Variants in THSD7B observed in about 807,000 individuals in gnomAD.
The protein encoded by THSD7B is thrombospondin type-1 domain-containing protein 7B.
A neutral mutation model predicts 213.6 loss-of-function variants in THSD7B; 138 were observed. The ratio of observed to expected loss-of-function variants is 0.65; its 90% CI spans 0.56 to 0.74. THSD7B has a LOEUF of 0.74. THSD7B is among the 30% of genes least tolerant of loss of function. THSD7B has a pLI of 0.00. For synonymous variants in THSD7B, 742 were observed against 687.0 expected, an observed-to-expected ratio of 1.08 and a Z score of -1.25; for missense variants, 1,931 against 1,991.5, an observed-to-expected ratio of 0.97 and a Z score of 0.58.
intron 12 of THSD7B, among the ~76,000 whole-genome samples, chr2:137,375,610 A>G (rs1253631108): frequency 6.6e-6 from 1 of 152,220 alleles, no homozygotes; most frequent in Non-Finnish European, 1.5e-5. Flanking sequence ...AAGGACTACA[A>G]AATGATCCTC....
In THSD7B at chr2:137,450,888, C is replaced by T; in HGVS notation, c.3003C>T (p.Cys1001=). 2 of 1,611,174 alleles carry T rather than the reference C, an allele frequency of 1.2e-6. No homozygotes were observed. Among genetic ancestry groups the T allele is most frequent in the South Asian group, 1.1e-5 (1 of 90,452 alleles). ...GTGTCATTCCCTGCCCATTTGATTGCAAGTTAAGCGATTGGTCTAGTTGGG... is the reference window on the plus strand; with the variant it reads ...GTGTCATTCCCTGCCCATTTGATTGTAAGTTAAGCGATTGGTCTAGTTGGG... ...EKCVIPCPFD[C]KLSDWSSWGS... is the part of the protein sequence containing the mutation. Residue 1001 remains cysteine (C), a synonymous_variant, in exon 15 of 28, where the codon TGC becomes TGT. Coordinates refer to ENST00000409968, the MANE Select transcript of THSD7B (RefSeq NM_001316349.2).
chr2:136,779,806 A>G (rs1418010766), intron 1 of THSD7B, among the ~76,000 whole-genome samples: 1 of 152,210 alleles, frequency 6.6e-6, no homozygotes, highest in Non-Finnish European at 1.5e-5. Flanking sequence ...TTGGTCTACA[A>G]TAAGCCTATG....
intron 12 of THSD7B, among the ~76,000 whole-genome samples, chr2:137,342,619 C>T (rs928255481): frequency 2.6e-5 from 4 of 151,602 alleles, no homozygotes; most frequent in Admixed American, 2.6e-4. Context: ...AAATTTTTCA[C>T]TGTTGAATAT....
At chr2:137,309,653 C>T (rs963747968) in intron 12 of THSD7B, among the ~76,000 whole-genome samples, 1 of 152,000 alleles carries the variant, frequency 6.6e-6, no homozygotes, top group Non-Finnish European at 1.5e-5. Context: ...CTATCCCTAC[C>T]CCTACCCCCA....
chr2:136,849,099 G>A (rs1387898958), intron 1 of THSD7B, among the ~76,000 whole-genome samples: 6 of 152,196 alleles, frequency 3.9e-5, no homozygotes, highest in Middle Eastern at 6.8e-3. Context: ...ACATTGTAAA[G>A]ACTTGCATTT....
intron 12 of THSD7B, among the ~76,000 whole-genome samples, chr2:137,350,005 A>G (rs1214396029): frequency 6.6e-6 from 1 of 151,858 alleles, no homozygotes. Context: ...GCTATCAAGT[A>G]TCACTTTAAA....
intron 12 of THSD7B, among the ~76,000 whole-genome samples, chr2:137,313,913 G>T (rs1684002012): frequency 6.6e-6 from 1 of 152,082 alleles, no homozygotes; most frequent in Admixed American, 6.6e-5. Flanking sequence ...AGCGTAACCC[G>T]ACCTTTCTCT....
At chr2:136,803,991 T>C (rs773960608) in intron 1 of THSD7B, among the ~76,000 whole-genome samples, 6 of 152,152 alleles carry the variant, frequency 3.9e-5, no homozygotes, top group Non-Finnish European at 8.8e-5. Flanking sequence ...AGTTCATCAA[T>C]TCAAATGGTA....
At chr2:137,634,228 T>C (rs1682792053) in intron 20 of THSD7B, among the ~76,000 whole-genome samples, 1 of 152,144 alleles carries the variant, frequency 6.6e-6, no homozygotes, top group Non-Finnish European at 1.5e-5. Context: ...AGATGTTGGT[T>C]TCTGGGTGAT....
intron 14 of THSD7B, among the ~76,000 whole-genome samples, chr2:137,413,096 T>C (rs890102008): frequency 6.6e-6 from 1 of 152,174 alleles, no homozygotes; most frequent in Non-Finnish European, 1.5e-5. Flanking sequence ...ATTTAAGATA[T>C]ACCCATATCA....
intron 2 of THSD7B, among the ~76,000 whole-genome samples, chr2:136,965,067 CCATTAACA>C (rs1482420136): frequency 1.3e-5 from 2 of 150,644 alleles, no homozygotes. Flanking sequence ...GTCTCATTAT[CCATTAACA>C]CTTTTACCTG....
At position 137,378,833 on chromosome 2, in the gene THSD7B, T is replaced by C. The variant is rs188127905; in HGVS notation, c.2501-26780T>C. On this transcript the variant is annotated intron_variant, in intron 12 of 27. Transcript: ENST00000409968. ...GACCACAACTCCTAGCATTCCCTCC[T>C]GGACTTAGCCACAGCAGATCATCAG... Among the ~76,000 whole-genome samples the C allele has an allele frequency of 1.3e-3, 197 of 152,356 alleles. 1 individual carries two copies. Among genetic ancestry groups the C allele is most frequent in the African/African-American group, 4.2e-3 (174 of 41,592 alleles).
chr2:136,863,911 C>G (rs979769529), intron 1 of THSD7B, among the ~76,000 whole-genome samples: 1 of 152,052 alleles, frequency 6.6e-6, no homozygotes, highest in Non-Finnish European at 1.5e-5. Flanking sequence ...TTTACAGGAC[C>G]GTGAAACCCA....
chr2:137,390,182 C>T (rs972651084), intron 12 of THSD7B, among the ~76,000 whole-genome samples: 1 of 152,050 alleles, frequency 6.6e-6, no homozygotes, highest in Non-Finnish European at 1.5e-5. Context: ...TGGTCATGAG[C>T]GTGGGATGTC....
At position 136,828,649 on chromosome 2, in the gene THSD7B, C is replaced by G. The variant is rs1315734814; in HGVS notation, c.-35-53495C>G. 2.0e-5 allele frequency among the ~76,000 whole-genome samples: 3 copies of G among 152,190 alleles called. No individual in the cohort carries two copies. The East Asian group carries it at 5.8e-4, about 29-fold the overall frequency. ...GCTTTTTGCATTCTTGACACATGTT[C>G]TTCTTTCAGTTCCTCAGGCCTGCTA... On this transcript the variant is annotated intron_variant, in intron 1 of 27. Coordinates refer to ENST00000409968, the MANE Select transcript of THSD7B (RefSeq NM_001316349.2).
chr2:137,557,525 A>C (rs977310940), intron 15 of THSD7B, among the ~76,000 whole-genome samples: 4 of 152,202 alleles, frequency 2.6e-5, no homozygotes, highest in African/African-American at 9.7e-5. Flanking sequence ...ACGAGAACAA[A>C]GACACAACAT....
chr2:136,979,223 A>AT (rs35436994), intron 2 of THSD7B, among the ~76,000 whole-genome samples: 1,634 of 144,106 alleles, frequency 0.011, 22 homozygotes, highest in African/African-American at 0.038. Flanking sequence ...TGCCCTTAAC[A>AT]TTTTTTTTTT....
At chr2:137,121,863 A>G (rs1447121415) in intron 5 of THSD7B, among the ~76,000 whole-genome samples, 1 of 152,206 alleles carries the variant, frequency 6.6e-6, no homozygotes, top group Non-Finnish European at 1.5e-5. Context: ...TAGCACAGAG[A>G]AAGGAATTGT....
chr2:137,431,435 G>A (rs949205536), intron 14 of THSD7B, among the ~76,000 whole-genome samples: 33 of 152,258 alleles, frequency 2.2e-4, no homozygotes, highest in African/African-American at 7.9e-4. Context: ...ATCCCTTTAG[G>A]ATTGGGAGGG....
Sources: allele counts gnomAD v4.1 joint callset (sites outside exome capture counted in the v4.1 genomes callset), GRCh38; gene constraint gnomAD v4.1.1; transcripts MANE v1.5; gene names NCBI Gene and HGNC (gene_info 2026-07-23, HGNC 2026-07-21).